The following ELP2 variants were observed in gnomAD, a reference collection of about 807,000 sequenced individuals.
The protein encoded by ELP2 is elongator complex protein 2.
ELP2 carries 90 observed loss-of-function variants against 119.2 expected under a neutral mutation model. The ratio of observed to expected loss-of-function variants is 0.75; its 90% confidence interval spans 0.64 to 0.90. The LOEUF is 0.90. Ranked by LOEUF, ELP2 falls within the 40% of genes least tolerant of loss-of-function variation. The pLI is 0.00. For missense variants in ELP2, 921 were observed against 967.8 expected (o/e 0.95, Z 0.64); for synonymous variants, 339 against 331.0 (o/e 1.02, Z -0.26).
intron 5 of ELP2, among the ~76,000 whole-genome samples, chr18:36,139,238 G>A (rs560443930): frequency 3.9e-5 from 6 of 152,312 alleles, no homozygotes; most frequent in Admixed American, 2.6e-4. Context: ...TGGCATATGA[G>A]CATTTCTCTC....
chr18:36,141,290 A>G (rs1050370021), intron 6 of ELP2, 89 bp downstream of exon 6: 45 of 1,157,950 alleles, frequency 3.9e-5, no homozygotes, highest in South Asian at 3.2e-4. Context: ...AATTTTAGGG[A>G]ATGTTCTAAT....
chr18:36,165,335 T>A (rs908196161), intron 18 of ELP2: 1 of 152,294 alleles, frequency 6.6e-6, no homozygotes, highest in African/African-American at 2.4e-5. Context: ...CCTATTCCTG[T>A]TCCCCCAGAT....
intron 13 of ELP2, 123 bp downstream of exon 13, chr18:36,156,777 T>G (rs1303075810): frequency 7.4e-6 from 7 of 949,486 alleles, no homozygotes; most frequent in Non-Finnish European, 1.6e-6. Context: ...TTTCTTAATG[T>G]AAGATGTGAC....
chr18:36,148,024 T>G (rs1174549658), intron 11 of ELP2, among the ~76,000 whole-genome samples: 2 of 151,992 alleles, frequency 1.3e-5, no homozygotes, highest in African/African-American at 4.8e-5. Context: ...CTGTGTCGTC[T>G]TTGGTTTTTA....
intron 12 of ELP2, among the ~76,000 whole-genome samples, 191 bp from the exon 13 acceptor site, chr18:36,156,275 A>G (rs1418671800): frequency 6.6e-6 from 1 of 152,170 alleles, no homozygotes; most frequent in Non-Finnish European, 1.5e-5. Flanking sequence ...AAACAAGTCA[A>G]ATGATTTTGA....
At position 36,129,903 on chromosome 18, in the gene ELP2, C is replaced by T. The variant is rs746804850; in HGVS notation, c.-31C>T. The T allele has an allele frequency of 3.7e-6, 6 of 1,614,042 alleles. No individual in the cohort carries two copies. The East Asian group carries it at 6.7e-5, about 18-fold the overall frequency. ...CCGCTCCGAGGGCGGAAGTGCGCGT[C>T]TCTTGTTTGTGCGGCTGACCAGTTG... On this transcript the variant is annotated 5_prime_UTR_variant, in exon 1 of 22. Coordinates refer to ENST00000358232, the MANE Select transcript of ELP2 (RefSeq NM_018255.4).
chr18:36,167,736 C>T (rs565316407), intron 19 of ELP2, among the ~76,000 whole-genome samples: 2 of 148,596 alleles, frequency 1.3e-5, no homozygotes, highest in African/African-American at 5.0e-5. Flanking sequence ...TGCAGTGGTA[C>T]AGTCACGGCT....
rs113033729 is a variant in ELP2 at position 36,131,014 on chromosome 18, T to TA, written c.138+954dup. Among the ~76,000 whole-genome samples, 130 of 147,468 alleles carry TA rather than the reference T, an allele frequency of 8.8e-4. 2 individuals carry two copies. Among genetic ancestry groups the TA allele is most frequent in the East Asian group, 1.8e-3 (9 of 5,058 alleles). ...GAGACCCCAGTCTCTACAAAAAGTT[T>TA]AAAAAAAAAAATAGCTGGTTGTGGT... On this transcript the variant is annotated intron_variant, in intron 1 of 21. Transcript: ENST00000358232.
chr18:36,137,212 C>T (rs1013497684), intron 3 of ELP2: 6 of 152,134 alleles, frequency 3.9e-5, no homozygotes, highest in Non-Finnish European at 8.8e-5. Flanking sequence ...GTTGCCCAGG[C>T]TGGAGTGCAG....
rs781528297 is a variant in ELP2, at chr18:36,171,098, G to A, written c.2262G>A (p.Trp754Ter). 1 of 1,614,120 alleles carries A rather than the reference G, an allele frequency of 6.2e-7. No individual in the cohort carries two copies. Among genetic ancestry groups the A allele is most frequent in the Admixed American group, 1.7e-5 (1 of 60,024 alleles). The change falls in exon 21 of 22, where the codon TGG becomes TGA. Residue 754 changes from tryptophan to a stop codon, truncating the protein, a stop_gained. Transcript: ENST00000358232. LOFTEE classifies it high-confidence loss of function. The stretch of plus-strand genomic sequence containing the variant: ...GTGGAAAGATTTGCTTATATACCTG[G>A]AAAAAGACTGATCAAGTTCCAGAAA... The part of the protein sequence containing the change: ...LECGKICLYT[W>*]KKTDQVPEIN...
intron 18 of ELP2, among the ~76,000 whole-genome samples, chr18:36,166,326 T>TTTG (rs566642624): frequency 0.22 from 19,951 of 88,912 alleles, 3,170 homozygotes; most frequent in Middle Eastern, 0.29. Context: ...AGGGTTTTTT[T>TTTG]TTTTTTTTTT....
At position 36,164,543 on chromosome 18, in the gene ELP2, A is replaced by G. The variant is rs942850024; in HGVS notation, c.1830A>G (p.Leu610=). The stretch of plus-strand genomic sequence containing the variant: ...CATCTTGGAAACAGGTGCAGAATTT[A>G]GTTTTCCACAGTTTGACAGTCACGC... The part of the protein sequence containing the change: ...NTTSWKQVQN[L]VFHSLTVTQM... The change falls in exon 18 of 22, where the codon TTA becomes TTG. Residue 610 remains leucine (L), a synonymous_variant. Transcript: ENST00000358232. The G allele has an allele frequency of 1.9e-6, 3 of 1,614,124 alleles. No individual in the cohort carries two copies. The highest frequency in any genetic ancestry group is 2.5e-6 in the Non-Finnish European group (3 of 1,179,986).
intron 3 of ELP2, among the ~76,000 whole-genome samples, chr18:36,136,844 T>G (rs143434491): frequency 3.0e-4 from 46 of 152,308 alleles, no homozygotes; most frequent in Middle Eastern, 3.4e-3. Flanking sequence ...GCTGATCTGT[T>G]TTCAATGCTT....
chr18:36,136,488 T>G (rs976537525), intron 3 of ELP2, 111 bp downstream of exon 3: 40 of 863,570 alleles, frequency 4.6e-5, no homozygotes, highest in Non-Finnish European at 7.4e-5. Flanking sequence ...CGATCGTGGC[T>G]CACCTCAGCC....
At chr18:36,166,423 T>A (rs896033432) in intron 18 of ELP2, among the ~76,000 whole-genome samples, 2 of 138,116 alleles carry the variant, frequency 1.4e-5, no homozygotes, top group African/African-American at 5.3e-5. Flanking sequence ...CTCCGCCTCC[T>A]GGGTTCAAGT....
intron 11 of ELP2, among the ~76,000 whole-genome samples, chr18:36,149,471 G>GTTTTTTTTTT (rs1457178336): frequency 3.0e-5 from 2 of 66,966 alleles, no homozygotes; most frequent in African/African-American, 8.7e-5. Flanking sequence ...TAGTTGCAGG[G>GTTTTTTTTTT]TTTTTTGTTT....
At chr18:36,158,052 G>A (rs2090625246) in intron 13 of ELP2, among the ~76,000 whole-genome samples, 1 of 152,122 alleles carries the variant, frequency 6.6e-6, no homozygotes, top group Non-Finnish European at 1.5e-5. Context: ...AGGTATGTAG[G>A]AATGCCTCTT....
chr18:36,159,656 T>C, intron 14 of ELP2, 79 bp from the exon 15 acceptor site: 1 of 1,028,040 alleles, frequency 9.7e-7, no homozygotes, highest in Non-Finnish European at 1.5e-6. Context: ...CTGCTTTCTA[T>C]GTGGTGGCCT....
chr18:36,159,046 GA>G (rs1242438203), intron 14 of ELP2, 142 bp downstream of exon 14: 4 of 659,992 alleles, frequency 6.1e-6, no homozygotes, highest in African/African-American at 5.5e-5. Context: ...CCTATTTCGT[GA>G]TAAGTACTCT....
Sources: gnomAD v4.1 joint callset for allele counts (sites outside exome capture counted in the v4.1 genomes callset) on GRCh38, gnomAD v4.1.1 for gene constraint, MANE v1.5 for transcripts, NCBI Gene and HGNC (gene_info 2026-07-23, HGNC 2026-07-21) for gene names.